The following SPATA17 variants were observed in gnomAD, a reference collection of about 807,000 sequenced individuals.
SPATA17 encodes spermatogenesis associated 17, also known as spermatogenesis-associated protein 17.
A neutral mutation model predicts 62.2 loss-of-function variants in SPATA17; 53 were observed. That is an observed-to-expected ratio of 0.85 (90% confidence interval 0.68 to 1.07). SPATA17 has a LOEUF of 1.07. Among genes scored for constraint, SPATA17 ranks in the 50% least tolerant of loss-of-function variants. The pLI, the probability that SPATA17 is intolerant of heterozygous loss-of-function variation, is 0.00. For synonymous variants in SPATA17, 146 were observed against 146.8 expected (o/e 0.99, Z 0.04); for missense variants, 466 against 425.5 (o/e 1.10, Z -0.84).
In SPATA17 at chr1:217,867,698, T is replaced by G. The variant is rs1676044740; in HGVS notation, c.*679T>G. 6.6e-6 allele frequency: 1 copy of G among 152,172 alleles called. No individual in the cohort carries two copies. Among genetic ancestry groups the G allele is most frequent in the African/African-American group, 2.4e-5 (1 of 41,436 alleles). 9.4% of individuals were successfully genotyped at this position (152,172 alleles called of 1,614,324 possible). ...AAGCTGGGCTTTTGTGAGGTTTCTGTTTTTTATGCGATGCTTAGATTTTCC... is the reference window on the plus strand; with the variant it reads ...AAGCTGGGCTTTTGTGAGGTTTCTGGTTTTTATGCGATGCTTAGATTTTCC... On this transcript the variant is annotated 3_prime_UTR_variant, in exon 11 of 11. Transcript: ENST00000366933.
intron 6 of SPATA17, among the ~76,000 whole-genome samples, chr1:217,768,028 C>A (rs571962330): frequency 6.6e-6 from 1 of 152,206 alleles, no homozygotes; most frequent in East Asian, 1.9e-4. Context: ...AGGCAGATCA[C>A]GAGGTCAGGA....
At chr1:217,768,626 G>A (rs1241024412) in intron 6 of SPATA17, among the ~76,000 whole-genome samples, 2 of 151,502 alleles carry the variant, frequency 1.3e-5, no homozygotes, top group Non-Finnish European at 2.9e-5. Flanking sequence ...TGAGTAGCTG[G>A]GATTACAGGT....
intron 4 of SPATA17, among the ~76,000 whole-genome samples, chr1:217,677,306 G>C (rs1395133592): frequency 6.6e-6 from 1 of 151,870 alleles, no homozygotes; most frequent in African/African-American, 2.4e-5. Flanking sequence ...AGTTAGAAAA[G>C]ATTATATGGT....
chr1:217,660,437 A>T (rs1670541232), intron 3 of SPATA17, among the ~76,000 whole-genome samples: 1 of 152,200 alleles, frequency 6.6e-6, no homozygotes. Context: ...ATTCACAGGG[A>T]TACAAGTTGG....
At chr1:217,723,831 A>AT (rs1672196302) in intron 5 of SPATA17, among the ~76,000 whole-genome samples, 1 of 152,240 alleles carries the variant, frequency 6.6e-6, no homozygotes, top group African/African-American at 2.4e-5. Flanking sequence ...CAAATACTGC[A>AT]TAACAGGAGT....
At chr1:217,817,270 A>G (rs1430969304) in intron 9 of SPATA17, among the ~76,000 whole-genome samples, 2 of 151,934 alleles carry the variant, frequency 1.3e-5, no homozygotes, top group South Asian at 2.1e-4. Context: ...ATAATCCTCA[A>G]CTGTGGTGGG....
intron 9 of SPATA17, among the ~76,000 whole-genome samples, chr1:217,833,987 C>A (rs1181405921): frequency 6.6e-6 from 1 of 152,128 alleles, no homozygotes; most frequent in Non-Finnish European, 1.5e-5. Context: ...ACTCCAATAA[C>A]TTGCTTTATC....
chr1:217,802,636 C>T (rs1674341093), intron 9 of SPATA17, among the ~76,000 whole-genome samples: 1 of 152,072 alleles, frequency 6.6e-6, no homozygotes. Flanking sequence ...TCCCAAGGGA[C>T]CAGGACTCTA....
At chr1:217,863,361 C>A (rs1374454860) in intron 10 of SPATA17, among the ~76,000 whole-genome samples, 1 of 152,030 alleles carries the variant, frequency 6.6e-6, no homozygotes, top group Non-Finnish European at 1.5e-5. Context: ...GAACTCCTGG[C>A]CTCAAGTGAT....
intron 1 of SPATA17, among the ~76,000 whole-genome samples, chr1:217,642,497 A>G (rs1044431542): frequency 5.9e-5 from 9 of 152,048 alleles, no homozygotes; most frequent in Admixed American, 3.3e-4. Context: ...TTTTCTTGAC[A>G]CACAAAAAGT....
chr1:217,863,117 T>C (rs1454724220), intron 10 of SPATA17, among the ~76,000 whole-genome samples: 1 of 141,176 alleles, frequency 7.1e-6, no homozygotes, highest in African/African-American at 2.5e-5. Context: ...AAAATACTCT[T>C]TCTTTTTTTT....
At chr1:217,754,015 C>G (rs1271621340) in intron 6 of SPATA17, among the ~76,000 whole-genome samples, 1 of 152,066 alleles carries the variant, frequency 6.6e-6, no homozygotes, top group Non-Finnish European at 1.5e-5. Context: ...GCAGGCAGAT[C>G]ACTTAAGACC....
rs1223057594 is a variant in SPATA17 at position 217,868,542 on chromosome 1, AT to A, written c.*1525del. 6.6e-6 allele frequency: 1 copy of A among 152,076 alleles called. No individual in the cohort carries two copies. Among genetic ancestry groups the A allele is most frequent in the Non-Finnish European group, 1.5e-5 (1 of 68,026 alleles). 9.4% of individuals were successfully genotyped at this position (152,076 alleles called of 1,614,324 possible). Reference sequence around the variant, plus strand: ...TCTAACACAAAGCCTATTTTATAATATTGAACAGCCCATGTAATTTATTGAA... The same window carrying A: ...TCTAACACAAAGCCTATTTTATAATATGAACAGCCCATGTAATTTATTGAA... On this transcript the variant is annotated 3_prime_UTR_variant, in exon 11 of 11. Transcript: ENST00000366933.
intron 9 of SPATA17, among the ~76,000 whole-genome samples, chr1:217,818,449 G>A (rs1049086905): frequency 5.9e-5 from 9 of 152,158 alleles, no homozygotes; most frequent in African/African-American, 1.9e-4. Context: ...ACGGTATATG[G>A]TATAGCCTAC....
intron 5 of SPATA17, among the ~76,000 whole-genome samples, chr1:217,702,901 A>G (rs138809752): frequency 2.2e-4 from 33 of 147,824 alleles, no homozygotes; most frequent in African/African-American, 8.0e-4. Flanking sequence ...TTTTTTTTTG[A>G]GATGGAGTCT....
intron 8 of SPATA17, among the ~76,000 whole-genome samples, chr1:217,787,980 C>G (rs1370663925): frequency 2.0e-5 from 3 of 151,872 alleles, no homozygotes; most frequent in Non-Finnish European, 4.4e-5. Context: ...GAAATGGGAC[C>G]ATGAAAGTTG....
chr1:217,832,763 C>A (rs927316615), intron 9 of SPATA17, among the ~76,000 whole-genome samples: 4 of 151,918 alleles, frequency 2.6e-5, no homozygotes, highest in African/African-American at 9.7e-5. Context: ...GGCAACATTG[C>A]AAAACTCTGT....
intron 9 of SPATA17, among the ~76,000 whole-genome samples, chr1:217,853,034 C>A (rs1675700148): frequency 6.6e-6 from 1 of 152,108 alleles, no homozygotes; most frequent in Non-Finnish European, 1.5e-5. Context: ...ATGACTGGTT[C>A]ATTGCTGTAT....
chr1:217,689,188 T>A (rs1004679287), intron 5 of SPATA17, among the ~76,000 whole-genome samples: 1 of 149,108 alleles, frequency 6.7e-6, no homozygotes, highest in Non-Finnish European at 1.5e-5. Flanking sequence ...AAGTACAATA[T>A]AATCATCACA....
Sources: allele counts gnomAD v4.1 joint callset (sites outside exome capture counted in the v4.1 genomes callset), GRCh38; gene constraint gnomAD v4.1.1; transcripts MANE v1.5; gene names NCBI Gene and HGNC (gene_info 2026-07-23, HGNC 2026-07-21).